The following GANC variants were observed in gnomAD, a reference collection of about 807,000 sequenced individuals.
GANC encodes neutral alpha-glucosidase C.
Under a neutral mutation model 124.2 loss-of-function variants are expected in GANC, and 117 were observed. The observed-to-expected ratio is 0.94, with a 90% CI of 0.81 to 1.10. GANC has a LOEUF of 1.10. GANC is among the 50% of genes least tolerant of loss of function. The pLI, the probability that GANC is intolerant of heterozygous loss-of-function variation, is 0.00. For missense variants in GANC, 1,140 were observed against 1,095.0 expected, an observed-to-expected ratio of 1.04 and a Z score of -0.58; for synonymous variants, 377 against 376.8, an observed-to-expected ratio of 1.00 and a Z score of -0.01.
At chr15:42,345,352 GTTTT>G (rs1317143562) in intron 19 of GANC, among the ~76,000 whole-genome samples, 1 of 149,012 alleles carries the variant, frequency 6.7e-6, no homozygotes, top group African/African-American at 2.5e-5. Flanking sequence ...CTTCTTTGTT[GTTTT>G]TTTTTCTTTT....
At chr15:42,338,935 T>C (rs540823655) in intron 16 of GANC, among the ~76,000 whole-genome samples, 4 of 152,296 alleles carry the variant, frequency 2.6e-5, no homozygotes, top group Admixed American at 1.3e-4. Context: ...AAACATATGC[T>C]CTTGAGAAAG....
Position 42,338,062 on chromosome 15 carries a change from TA to T in GANC, c.1742-317del, listed in dbSNP as rs954535337. Among the ~76,000 whole-genome samples, 8 of 146,820 alleles carry T rather than the reference TA, an allele frequency of 5.4e-5. No individual in the cohort carries two copies. The East Asian group carries it at 6.0e-4, about 11-fold the overall frequency. On this transcript the variant is annotated intron_variant, in intron 15 of 23. Transcript: ENST00000318010. ...GGGCAAGTGAGAACATGACTCCATC[TA>T]AAAAAAAAACAAACCACATGTATTA...
At chr15:42,322,513 CG>C (rs1177033688) in intron 11 of GANC, among the ~76,000 whole-genome samples, 2 of 151,946 alleles carry the variant, frequency 1.3e-5, no homozygotes, top group Admixed American at 1.3e-4. Flanking sequence ...GGCTCTTGCA[CG>C]CAGGCTGAGG....
At position 42,351,400 on chromosome 15, in the gene GANC, A is replaced by G. The variant is rs776432593; in HGVS notation, c.2603A>G (p.Lys868Arg). Reference protein sequence around the residue: ...VEKILVLGFRKEPSSVTTHSS... With the variant: ...VEKILVLGFRREPSSVTTHSS... ...AAGATCTTGGTCTTAGGCTTCAGGA[A>G]GGAGCCATCTTCTGTGACTACCCAC... Residue 868 changes from lysine to arginine, a missense_variant, in exon 23 of 24, where the codon AAG (lysine) becomes AGG (arginine). Coordinates refer to ENST00000318010, the MANE Select transcript of GANC (RefSeq NM_198141.3). 2.5e-6 allele frequency: 4 copies of G among 1,614,008 alleles called. No individual in the cohort carries two copies. In the Admixed American group the frequency reaches 6.7e-5, roughly 27 times the overall value.
intron 3 of GANC, among the ~76,000 whole-genome samples, chr15:42,282,103 A>G (rs2051739870): frequency 6.6e-6 from 1 of 152,158 alleles, no homozygotes; most frequent in Non-Finnish European, 1.5e-5. Flanking sequence ...CGGGCAGATC[A>G]CGAGGTCAGG....
chr15:42,288,348 A>C (rs931523752), intron 4 of GANC, among the ~76,000 whole-genome samples: 1 of 152,214 alleles, frequency 6.6e-6, no homozygotes, highest in Non-Finnish European at 1.5e-5. Flanking sequence ...GGTGAAAAAC[A>C]ATCTTTGGGG....
intron 22 of GANC, among the ~76,000 whole-genome samples, chr15:42,350,202 G>A (rs2052414691): frequency 6.6e-6 from 1 of 150,922 alleles, no homozygotes; most frequent in African/African-American, 2.4e-5. Flanking sequence ...GGCTAATTTT[G>A]TATTTTTAGT....
intron 5 of GANC, among the ~76,000 whole-genome samples, chr15:42,295,011 A>C (rs796380652): frequency 7.4e-6 from 1 of 135,828 alleles, no homozygotes; most frequent in African/African-American, 3.0e-5. Context: ...TCGCTCTGTC[A>C]CCCAGGCTGG....
At chr15:42,303,280 A>G (rs890531080) in intron 6 of GANC, among the ~76,000 whole-genome samples, 6 of 152,234 alleles carry the variant, frequency 3.9e-5, no homozygotes, top group Non-Finnish European at 1.5e-5. Context: ...AGGAGAAAGA[A>G]AATCCTTTAC....
chr15:42,304,565 A>G (rs576953971), intron 6 of GANC, among the ~76,000 whole-genome samples: 1 of 152,352 alleles, frequency 6.6e-6, no homozygotes, highest in South Asian at 2.1e-4. Flanking sequence ...ATTCAATGCT[A>G]TCCCCATCAA....
chr15:42,330,748 C>A, intron 15 of GANC, 76 bp downstream of exon 15: 6 of 762,144 alleles, frequency 7.9e-6, no homozygotes, highest in Admixed American at 2.7e-5. Context: ...TGTGATGTTA[C>A]TGTGCTGATG....
intron 11 of GANC, among the ~76,000 whole-genome samples, chr15:42,322,364 A>C (rs2052167060): frequency 6.6e-6 from 1 of 152,186 alleles, no homozygotes; most frequent in South Asian, 2.1e-4. Flanking sequence ...GAGTATATTA[A>C]AAAGTTTATT....
intron 11 of GANC, among the ~76,000 whole-genome samples, chr15:42,322,600 G>A (rs1233545605): frequency 1.3e-5 from 2 of 152,248 alleles, no homozygotes; most frequent in Non-Finnish European, 2.9e-5. Context: ...GTCCAGATAC[G>A]GGCCGAAGGG....
At chr15:42,295,276 T>A (rs530967340) in intron 5 of GANC, among the ~76,000 whole-genome samples, 1 of 152,070 alleles carries the variant, frequency 6.6e-6, no homozygotes, top group African/African-American at 2.4e-5. Flanking sequence ...GCCCCGCCTG[T>A]AGTTTTCATA....
At chr15:42,275,655 C>T (rs2051663782) in intron 1 of GANC, among the ~76,000 whole-genome samples, 1 of 152,006 alleles carries the variant, frequency 6.6e-6, no homozygotes, top group Admixed American at 6.6e-5. Context: ...ACTCAAACTT[C>T]AATATACATA....
rs1490351099 is a variant in GANC, at chr15:42,297,516, A to G, written c.513-95A>G. 3 of 790,196 alleles carry G rather than the reference A, an allele frequency of 3.8e-6. No individual in the cohort carries two copies. The Admixed American group carries it at 6.6e-5, about 17-fold the overall frequency. 48.9% of individuals were successfully genotyped at this position (790,196 alleles called of 1,614,324 possible). A position where few individuals can be genotyped will look rare whatever the true frequency, so the allele number is the denominator to read the frequency against. ...TTTAATACATTAAAGGATATAACTGAGGTCTCAAAAGTTGGAAATGAAAAA... is the reference window on the plus strand; with the variant it reads ...TTTAATACATTAAAGGATATAACTGGGGTCTCAAAAGTTGGAAATGAAAAA... On this transcript the variant is annotated intron_variant, in intron 5 of 23. Coordinates refer to ENST00000318010, the MANE Select transcript of GANC (RefSeq NM_198141.3).
chr15:42,273,311 C>T lies in GANC; in HGVS notation c.-1171C>T. The T allele has an allele frequency of 1.2e-6, 2 of 1,614,184 alleles. No homozygotes were observed. The highest frequency in any genetic ancestry group is 2.2e-5 in the East Asian group (1 of 44,880). On this transcript the variant is annotated 5_prime_UTR_variant, in exon 1 of 24. Transcript: ENST00000318010. ...TCGGCAGCAGCTACGGTTGCCGGTC[C>T]CGCACTGAAAAACGACAGTGGTGAC...
At chr15:42,345,973 A>G (rs1234762757) in intron 20 of GANC, 141 bp downstream of exon 20, 16 of 627,082 alleles carry the variant, frequency 2.6e-5, no homozygotes, top group Middle Eastern at 4.3e-4. Flanking sequence ...GAAGTTCCAG[A>G]TCAAGGTGCC....
chr15:42,279,532 G>A (rs11631983), intron 3 of GANC, among the ~76,000 whole-genome samples: 109,790 of 152,086 alleles, frequency 0.72, 42,360 homozygotes, highest in Non-Finnish European at 0.87. Flanking sequence ...TATCTCACCC[G>A]TGAAGTTGTC....
Sources: gnomAD v4.1 joint callset for allele counts (sites outside exome capture counted in the v4.1 genomes callset) on GRCh38, gnomAD v4.1.1 for gene constraint, MANE v1.5 for transcripts, NCBI Gene and HGNC (gene_info 2026-07-23, HGNC 2026-07-21) for gene names.